Variants in ZNF44 observed in about 807,000 individuals in gnomAD.
The protein encoded by ZNF44 is zinc finger protein 44, also known as gonadotropin inducible transcription repressor-2.
In ZNF44, 9 loss-of-function variants were observed where a neutral mutation model predicts 11.7. That is an observed-to-expected ratio of 0.77 (90% CI 0.46 to 1.35). ZNF44 has a LOEUF of 1.35. Among genes scored for constraint, ZNF44 ranks in the 40% most tolerant of loss-of-function variants. The probability of loss-of-function intolerance (pLI) is 0.00; values close to 1 mark genes in which losing one functional copy is unlikely to be tolerated. For synonymous variants in ZNF44, 224 were observed against 242.7 expected, an observed-to-expected ratio of 0.92 and a Z score of 0.72; for missense variants, 696 against 743.1, an observed-to-expected ratio of 0.94 and a Z score of 0.74.
At chr19:12,285,266 G>GT (rs1194092454) in intron 1 of ZNF44, 1 of 301,810 alleles carries the variant, frequency 3.3e-6, no homozygotes, top group Non-Finnish European at 6.0e-6. Flanking sequence ...TTGTTTGTTT[G>GT]TTTTTTGAGA....
rs771745632 is a variant in ZNF44, at chr19:12,248,137, T to C, written c.*728A>G. On this transcript the variant is annotated 3_prime_UTR_variant and NMD_transcript_variant, in exon 8 of 8. Transcript: ENST00000393337. ...TAGCGTTTCTGTACAGTGTGATTCC[T>C]TTCATGTGCTCGAGCAGAATGGCGG... is the stretch of plus-strand genomic sequence containing the variant. The C allele has an allele frequency of 7.7e-6, 10 of 1,303,890 alleles. No homozygotes were observed. The South Asian group carries it at 1.2e-4, about 16-fold the overall frequency. The allele number at this position is 1,303,890 out of a possible 1,614,324, so 80.8% of individuals were successfully genotyped here.
chr19:12,224,843 T>G (rs1915851430), downstream of ZNF44: 1 of 152,044 alleles, frequency 6.6e-6, no homozygotes, highest in Non-Finnish European at 1.5e-5. Context: ...GGGAGAAGTT[T>G]GTGGCAGGGT....
At chr19:12,249,789 T>C (rs975841727) in intron 7 of ZNF44, among the ~76,000 whole-genome samples, 7 of 152,086 alleles carry the variant, frequency 4.6e-5, no homozygotes, top group African/African-American at 1.7e-4. Flanking sequence ...CGACCTCAGG[T>C]GATCCGGCTG....
At chr19:12,236,118 AT>A (rs1193894524) in intron 1 of ZNF44, among the ~76,000 whole-genome samples, 1 of 152,236 alleles carries the variant, frequency 6.6e-6, no homozygotes, top group African/African-American at 2.4e-5. Flanking sequence ...AGTTGATAAT[AT>A]TTTGAATCGA....
intron 1 of ZNF44, among the ~76,000 whole-genome samples, chr19:12,280,410 T>C (rs1201361534): frequency 6.6e-6 from 1 of 152,046 alleles, no homozygotes; most frequent in Non-Finnish European, 1.5e-5. Context: ...TAGTTGTGAA[T>C]GCTATACTAC....
chr19:12,287,753 A>G (rs1006374986), intron 1 of ZNF44, among the ~76,000 whole-genome samples: 2 of 152,226 alleles, frequency 1.3e-5, no homozygotes, highest in African/African-American at 4.8e-5. Context: ...TATTGTGAAT[A>G]GTCTGCAATA....
chr19:12,274,033 A>G lies in ZNF44; in HGVS notation c.222T>C (p.Ser74=). Residue 74 remains serine (S), a synonymous_variant, in exon 4 of 4, where the codon AGT becomes AGC. Coordinates refer to ENST00000355684, the MANE Select transcript of ZNF44 (RefSeq NM_016264.4). ...RCDVVERFGK[S]KDGSQCGETL... ...TTTCTCCACACTGACTACCATCTTTACTTTTACCAAATCTCTCTACCACAT... is the reference window on the plus strand; with the variant it reads ...TTTCTCCACACTGACTACCATCTTTGCTTTTACCAAATCTCTCTACCACAT... 6.2e-7 allele frequency: 1 copy of G among 1,613,100 alleles called. No homozygotes were observed. The highest frequency in any genetic ancestry group is 2.2e-5 in the East Asian group (1 of 44,848).
At chr19:12,293,021 C>T (rs1968083928) in intron 1 of ZNF44, among the ~76,000 whole-genome samples, 1 of 152,016 alleles carries the variant, frequency 6.6e-6, no homozygotes, top group African/African-American at 2.4e-5. Context: ...AGGCACCTGC[C>T]ACCATGCCCG....
downstream of ZNF44, among the ~76,000 whole-genome samples, chr19:12,269,995 A>C (rs1437460527): frequency 1.3e-5 from 2 of 152,156 alleles, no homozygotes; most frequent in Non-Finnish European, 2.9e-5. Flanking sequence ...GGATATGCTC[A>C]CTCCATAAGC....
At chr19:12,238,682 G>A (rs552917404), upstream of ZNF44, among the ~76,000 whole-genome samples, 1 of 150,600 alleles carries the variant, frequency 6.6e-6, no homozygotes, top group South Asian at 2.1e-4. Context: ...TGTAATCCCA[G>A]CTACTCAGGA....
At chr19:12,262,380 C>T (rs1282045561) in intron 5 of ZNF44, among the ~76,000 whole-genome samples, 1 of 152,080 alleles carries the variant, frequency 6.6e-6, no homozygotes, top group Admixed American at 6.6e-5. Flanking sequence ...AAGCAATTCT[C>T]CTGCCTCAGC....
intron 2 of ZNF44, 99 bp from the exon 3 acceptor site, chr19:12,275,132 T>C (rs879009246): frequency 4.6e-6 from 4 of 862,330 alleles, no homozygotes; most frequent in African/African-American, 3.5e-5. Flanking sequence ...GATTCATTCA[T>C]TGAACTATAG....
At chr19:12,290,111 C>T (rs1222398716) in intron 1 of ZNF44, among the ~76,000 whole-genome samples, 7 of 151,710 alleles carry the variant, frequency 4.6e-5, no homozygotes, top group Admixed American at 2.0e-4. Context: ...TTTGGCTGGG[C>T]GTGGTGGCTC....
chr19:12,280,586 GT>G (rs1967438873), intron 1 of ZNF44, among the ~76,000 whole-genome samples: 2 of 151,982 alleles, frequency 1.3e-5, no homozygotes, highest in African/African-American at 4.8e-5. Flanking sequence ...TAATATACAT[GT>G]TTATCTGAAT....
intron 3 of ZNF44, among the ~76,000 whole-genome samples, chr19:12,228,975 T>C (rs1433862046): frequency 6.6e-6 from 1 of 152,236 alleles, no homozygotes; most frequent in Non-Finnish European, 1.5e-5. Flanking sequence ...CAAAAACATA[T>C]GCTGGTAACT....
chr19:12,275,866 C>T (rs534568888), intron 2 of ZNF44, 90 bp downstream of exon 2: 7 of 1,442,474 alleles, frequency 4.9e-6, no homozygotes, highest in Non-Finnish European at 6.5e-6. Context: ...AACTGTATCC[C>T]TTTTCCATAT....
chr19:12,241,639 G>A (rs1916617830), upstream of ZNF44, among the ~76,000 whole-genome samples: 1 of 152,218 alleles, frequency 6.6e-6, no homozygotes, highest in South Asian at 2.1e-4. Context: ...AGGTTTCAGT[G>A]AGCCAAGATC....
chr19:12,289,974 T>C (rs1967940543), intron 1 of ZNF44, among the ~76,000 whole-genome samples: 1 of 151,404 alleles, frequency 6.6e-6, no homozygotes, highest in African/African-American at 2.4e-5. Context: ...TTATCTTACC[T>C]GAAGACTGTC....
At chr19:12,247,638 T>G, downstream of ZNF44, 1 of 1,342,394 alleles carries the variant, frequency 7.4e-7, no homozygotes, top group Non-Finnish European at 9.9e-7. Flanking sequence ...CATCCTTTCA[T>G]GTCTTCGGGC....
Sources: allele counts gnomAD v4.1 joint callset (sites outside exome capture counted in the v4.1 genomes callset), GRCh38; gene constraint gnomAD v4.1.1; transcripts MANE v1.5; gene names NCBI Gene and HGNC (gene_info 2026-07-23, HGNC 2026-07-21).